Variants in ARHGEF6 observed in about 807,000 individuals in gnomAD.
The protein encoded by ARHGEF6 is Rac/Cdc42 guanine nucleotide exchange factor 6, also known as rho guanine nucleotide exchange factor 6.
ARHGEF6 carries 9 observed loss-of-function variants against 70.3 expected under a neutral mutation model. The ratio of observed to expected loss-of-function variants is 0.13; its 90% CI spans 0.08 to 0.22. The LOEUF is 0.22. ARHGEF6 is among the 10% of genes least tolerant of loss of function. ARHGEF6 has a pLI of 1.00. For missense variants in ARHGEF6, 470 were observed against 563.0 expected (o/e 0.83, Z 1.67); for synonymous variants, 201 against 207.8 (o/e 0.97, Z 0.28).
chrX:136,721,418 C>T (rs1051123776), intron 6 of ARHGEF6, among the ~76,000 whole-genome samples: 1 of 110,624 alleles, frequency 9.0e-6, no homozygotes, highest in African/African-American at 3.3e-5. Flanking sequence ...AAAAAATTAG[C>T]CAGGTGTGGT....
At position 136,667,614 on chromosome X, in the gene ARHGEF6, T is replaced by C; in HGVS notation, c.*415A>G. 1 of 180,721 alleles carries C rather than the reference T, an allele frequency of 5.5e-6. No individual in the cohort carries two copies. Among genetic ancestry groups the C allele is most frequent in the South Asian group, 1.0e-4 (1 of 9,790 alleles). 14.9% of individuals were successfully genotyped at this position (180,721 alleles called of 1,213,427 possible). On this transcript the variant is annotated 3_prime_UTR_variant, in exon 22 of 22. Coordinates refer to ENST00000250617, the MANE Select transcript of ARHGEF6 (RefSeq NM_004840.3). Reference sequence around the variant, plus strand: ...ATTTAATAAGCCTTGGCCAGCTGCTTTGCAAGGGCAGCCAGCCCAAAGAAT... The same window carrying C: ...ATTTAATAAGCCTTGGCCAGCTGCTCTGCAAGGGCAGCCAGCCCAAAGAAT...
chrX:136,779,074 G>A (rs1336543574), intron 2 of ARHGEF6, among the ~76,000 whole-genome samples: 1 of 111,968 alleles, frequency 8.9e-6, no homozygotes, highest in East Asian at 2.8e-4. Flanking sequence ...CAACTTGGGA[G>A]GATTACAGTG....
In ARHGEF6 at chrX:136,713,285, G is replaced by A. The variant is rs1392761166; in HGVS notation, c.818C>T (p.Ser273Phe). Residue 273 changes from serine (S) to phenylalanine (F), a missense_variant, in exon 7 of 22, where the codon TCC becomes TTC. Coordinates refer to ENST00000250617, the MANE Select transcript of ARHGEF6 (RefSeq NM_004840.3). The part of the protein sequence containing the change: ...LLVTYLRPLQ[S>F]NNNLSTVEVT... The stretch of plus-strand genomic sequence containing the variant: ...AAAATAAACATCTTACTTGTTATTG[G>A]ACTGCAGGGGTCTTAAGTAAGTAAC... 10 of 1,192,840 alleles carry A rather than the reference G, an allele frequency of 8.4e-6. No individual in the cohort carries two copies. The African/African-American group carries it at 1.1e-4, about 13-fold the overall frequency.
intron 2 of ARHGEF6, among the ~76,000 whole-genome samples, chrX:136,776,523 C>T (rs966668887): frequency 2.7e-5 from 3 of 111,513 alleles, no homozygotes; most frequent in East Asian, 2.8e-4. Context: ...CATCTCTCAC[C>T]GCATCTCTCA....
intron 6 of ARHGEF6, among the ~76,000 whole-genome samples, chrX:136,720,601 C>A (rs1399463302): frequency 1.8e-5 from 2 of 111,333 alleles, no homozygotes; most frequent in South Asian, 3.8e-4. Flanking sequence ...AGATTAGGAA[C>A]AAAACAAGAG....
chrX:136,673,347 G>A (rs1180739488), intron 19 of ARHGEF6, among the ~76,000 whole-genome samples: 2 of 111,682 alleles, frequency 1.8e-5, no homozygotes, highest in African/African-American at 3.3e-5. Flanking sequence ...AGTAAGAGCC[G>A]AGGGCAGTCA....
At chrX:136,747,271 T>G (rs2077103310) in intron 3 of ARHGEF6, among the ~76,000 whole-genome samples, 1 of 111,448 alleles carries the variant, frequency 9.0e-6, no homozygotes, top group Non-Finnish European at 1.9e-5. Flanking sequence ...AATGGAATAG[T>G]TTCTTAGTTC....
intron 7 of ARHGEF6, among the ~76,000 whole-genome samples, chrX:136,712,646 TA>T (rs1326449694): frequency 3.7e-4 from 40 of 108,511 alleles, no homozygotes; most frequent in South Asian, 7.7e-4. Context: ...CCTACAAGGA[TA>T]AAAAAAAAAT....
intron 6 of ARHGEF6, among the ~76,000 whole-genome samples, chrX:136,725,394 A>G (rs1277185200): frequency 2.0e-5 from 2 of 101,918 alleles, no homozygotes; most frequent in African/African-American, 3.5e-5. Flanking sequence ...GTGAGTAGTA[A>G]TATACTAAAT....
intron 9 of ARHGEF6, among the ~76,000 whole-genome samples, chrX:136,695,173 C>T (rs769190622): frequency 9.8e-5 from 11 of 111,831 alleles, no homozygotes; most frequent in Admixed American, 4.7e-4. Context: ...CATAAATTGC[C>T]ACTAGATGCA....
intron 5 of ARHGEF6, among the ~76,000 whole-genome samples, chrX:136,737,912 G>T (rs928195217): frequency 9.4e-6 from 1 of 106,343 alleles, no homozygotes; most frequent in Non-Finnish European, 1.9e-5. Flanking sequence ...AGACATTTTT[G>T]TTACCTGAAG....
chrX:136,679,504 A>G, intron 16 of ARHGEF6, 31 bp downstream of exon 16: 2 of 1,206,051 alleles, frequency 1.7e-6, no homozygotes, highest in Non-Finnish European at 2.2e-6. Context: ...AACTTGTCAG[A>G]AGCATTTTAT....
intron 18 of ARHGEF6, among the ~76,000 whole-genome samples, chrX:136,675,492 T>A (rs2076271671): frequency 9.1e-6 from 1 of 110,428 alleles, no homozygotes; most frequent in Admixed American, 9.6e-5. Flanking sequence ...CTTTCCCTCA[T>A]TAACCCCACT....
Position 136,708,728 on chromosome X carries a change from C to T in ARHGEF6, c.870G>A (p.Glu290=). 8.3e-7 allele frequency: 1 copy of T among 1,205,514 alleles called. No individual in the cohort carries two copies. Among genetic ancestry groups the T allele is most frequent in the Non-Finnish European group, 1.1e-6 (1 of 890,964 alleles). The change falls in exon 8 of 22, where the codon GAG becomes GAA. Residue 290 remains glutamate, a synonymous_variant. Transcript: ENST00000250617. ...VEVTSLLGNF[E]EVCTFQQTLC... ...GTGTCTGTTGAAATGTGCATACTTCCTCGAAGTTTCCCAGTAAAGATGTAA... is the reference window on the plus strand; with the variant it reads ...GTGTCTGTTGAAATGTGCATACTTCTTCGAAGTTTCCCAGTAAAGATGTAA...
intron 2 of ARHGEF6, chrX:136,767,929 A>ATGC (rs2077334498): frequency 4.6e-5 from 20 of 432,425 alleles, no homozygotes; most frequent in Non-Finnish European, 5.8e-5. Context: ...CACACTGCGC[A>ATGC]TGCTGCTGCC....
intron 9 of ARHGEF6, among the ~76,000 whole-genome samples, chrX:136,693,853 C>T (rs147922958): frequency 1.8e-5 from 2 of 111,501 alleles, no homozygotes; most frequent in African/African-American, 6.5e-5. Flanking sequence ...AATTACTACC[C>T]CACCAGCCCT....
At chrX:136,689,107 T>C (rs1017229899) in intron 10 of ARHGEF6, among the ~76,000 whole-genome samples, 40 of 112,165 alleles carry the variant, frequency 3.6e-4, no homozygotes, top group African/African-American at 1.2e-3. Flanking sequence ...AAAAGTAAGG[T>C]TGTATTCCTT....
chrX:136,774,031 G>A (rs1480605161), intron 2 of ARHGEF6: 1 of 111,660 alleles, frequency 9.0e-6, no homozygotes, highest in African/African-American at 3.3e-5. Context: ...TACTAAAATT[G>A]GAACGATACA....
rs191504556 is a variant in ARHGEF6, at chrX:136,776,999, C to T, written c.249+2415G>A. Among the ~76,000 whole-genome samples, 1,068 of 111,852 alleles carry T rather than the reference C, an allele frequency of 9.5e-3. 4 individuals carry two copies. The highest frequency in any genetic ancestry group is 0.013 in the Non-Finnish European group (704 of 52,990). Reference sequence around the variant, plus strand: ...CAGCACTTTGGGAGACCCAGGCGGGCGGATCACCTGAGGTCAGGAGTTTGA... The same window carrying T: ...CAGCACTTTGGGAGACCCAGGCGGGTGGATCACCTGAGGTCAGGAGTTTGA... On this transcript the variant is annotated intron_variant, in intron 2 of 21. Transcript: ENST00000250617.
Sources: gnomAD v4.1 joint callset for allele counts (sites outside exome capture counted in the v4.1 genomes callset) on GRCh38, gnomAD v4.1.1 for gene constraint, MANE v1.5 for transcripts, NCBI Gene and HGNC (gene_info 2026-07-23, HGNC 2026-07-21) for gene names.